The following MTUS2 variants were observed in gnomAD, a reference collection of about 807,000 sequenced individuals.
MTUS2 encodes the protein microtubule associated scaffold protein 2, also known as microtubule-associated tumor suppressor candidate 2.
A neutral mutation model predicts 114.1 loss-of-function variants in MTUS2; 40 were observed. That is an observed-to-expected ratio of 0.35 (90% CI 0.27 to 0.46). The LOEUF is 0.46. MTUS2 is among the 20% of genes least tolerant of loss of function. MTUS2 has a pLI of 1.00. For synonymous variants in MTUS2, 688 were observed against 672.0 expected, an observed-to-expected ratio of 1.02 and a Z score of -0.37; for missense variants, 1,679 against 1,705.4, an observed-to-expected ratio of 0.98 and a Z score of 0.27.
At chr13:28,909,443 T>G (rs1880261596) in intron 2 of MTUS2, among the ~76,000 whole-genome samples, 1 of 152,156 alleles carries the variant, frequency 6.6e-6, no homozygotes, top group Admixed American at 6.6e-5. Context: ...TTTTATTCTC[T>G]TTGAAGCAAT....
intron 7 of MTUS2, among the ~76,000 whole-genome samples, chr13:29,332,071 C>T (rs923428463): frequency 6.6e-6 from 1 of 152,164 alleles, no homozygotes; most frequent in Non-Finnish European, 1.5e-5. Context: ...ATGCTGGCCT[C>T]ATAAAATGAG....
At chr13:29,078,536 T>C (rs1889298631) in intron 4 of MTUS2, among the ~76,000 whole-genome samples, 1 of 152,224 alleles carries the variant, frequency 6.6e-6, no homozygotes, top group South Asian at 2.1e-4. Context: ...AGGATACAAT[T>C]TAGTGGTTTT....
chr13:28,970,938 C>A (rs756935875), intron 2 of MTUS2, among the ~76,000 whole-genome samples: 2 of 152,186 alleles, frequency 1.3e-5, no homozygotes, highest in Non-Finnish European at 2.9e-5. Context: ...GAGGCATCCA[C>A]GTGGTATTTT....
chr13:29,057,577 T>C (rs1478122235), intron 4 of MTUS2, among the ~76,000 whole-genome samples: 1 of 152,194 alleles, frequency 6.6e-6, no homozygotes, highest in Non-Finnish European at 1.5e-5. Context: ...TTTTGATCAC[T>C]GTTGGCTTAA....
intron 8 of MTUS2, among the ~76,000 whole-genome samples, chr13:29,402,506 AAAAC>A (rs1248993619): frequency 6.8e-6 from 1 of 146,634 alleles, no homozygotes; most frequent in Non-Finnish European, 1.5e-5. Context: ...CAGCCACAGA[AAAAC>A]AAACAGAAGA....
chr13:28,848,625 AAATT>A (rs1401718637), intron 2 of MTUS2, among the ~76,000 whole-genome samples: 13 of 152,102 alleles, frequency 8.5e-5, no homozygotes, highest in Non-Finnish European at 1.6e-4. Context: ...GTTTCAAAGA[AAATT>A]AACTTAGAAG....
At chr13:29,168,484 T>C (rs1022728293) in intron 5 of MTUS2, among the ~76,000 whole-genome samples, 30 of 152,318 alleles carry the variant, frequency 2.0e-4, no homozygotes, top group Non-Finnish European at 2.8e-4. Context: ...TGCCATTGAC[T>C]TCATCTTAGA....
At chr13:29,047,324 G>A (rs4769671) in intron 4 of MTUS2, among the ~76,000 whole-genome samples, 146,101 of 152,180 alleles carry the variant, frequency 0.96, 70,215 homozygotes, top group Non-Finnish European at 0.98. Flanking sequence ...TCAGTCTTCT[G>A]TAGCTCCAGC....
At chr13:29,183,432 A>T (rs1185866973) in intron 5 of MTUS2, among the ~76,000 whole-genome samples, 1 of 152,226 alleles carries the variant, frequency 6.6e-6, no homozygotes. Context: ...GACGTGGCTA[A>T]TTGGAATTAT....
chr13:29,290,068 A>G (rs868603795), intron 6 of MTUS2, among the ~76,000 whole-genome samples: 28 of 152,362 alleles, frequency 1.8e-4, no homozygotes, highest in Middle Eastern at 6.8e-3. Flanking sequence ...GTCGTTCTAC[A>G]TATCTTCAAT....
intron 2 of MTUS2, among the ~76,000 whole-genome samples, chr13:28,979,072 A>G (rs2138286242): frequency 6.6e-6 from 1 of 152,352 alleles, no homozygotes; most frequent in Non-Finnish European, 1.5e-5. Context: ...CATTGCAAAG[A>G]GTTCCAGTGA....
chr13:29,341,235 C>G (rs900488482), intron 7 of MTUS2, among the ~76,000 whole-genome samples: 34 of 152,088 alleles, frequency 2.2e-4, no homozygotes, highest in African/African-American at 7.5e-4. Flanking sequence ...CACTGTTTTC[C>G]ATAGTGGTTT....
In MTUS2 at chr13:29,436,620, T is replaced by C. The variant is rs1250824727; in HGVS notation, c.3118-3363T>C. Among the ~76,000 whole-genome samples, 4 of 152,162 alleles carry C rather than the reference T, an allele frequency of 2.6e-5. No homozygotes were observed. In the South Asian group the frequency reaches 8.3e-4, roughly 32 times the overall value. ...TCCTTGAAAAGCCATCTAATGACTA[T>C]AGTTTGGAACTGGCTGGTTTTAGAG... On this transcript the variant is annotated intron_variant, in intron 8 of 15. Coordinates refer to ENST00000612955, the MANE Select transcript of MTUS2 (RefSeq NM_001033602.4).
At chr13:29,164,246 G>T (rs974441139) in intron 5 of MTUS2, among the ~76,000 whole-genome samples, 4 of 152,212 alleles carry the variant, frequency 2.6e-5, no homozygotes, top group African/African-American at 9.6e-5. Context: ...AGGCTGGAGG[G>T]CTCCCTTCTC....
chr13:29,283,418 A>C (rs1350738553), intron 6 of MTUS2, among the ~76,000 whole-genome samples: 5 of 152,330 alleles, frequency 3.3e-5, no homozygotes, highest in Non-Finnish European at 5.9e-5. Flanking sequence ...TTATTGAATC[A>C]ACAAATGAAT....
chr13:29,103,417 A>T (rs1335254626), intron 5 of MTUS2, among the ~76,000 whole-genome samples: 3 of 152,258 alleles, frequency 2.0e-5, no homozygotes, highest in African/African-American at 7.2e-5. Flanking sequence ...AATAGTGCGT[A>T]TTGGTATATG....
At position 29,026,684 on chromosome 13, in the gene MTUS2, G is replaced by A; in HGVS notation, c.1986G>A (p.Leu662=). 6.2e-7 allele frequency: 1 copy of A among 1,614,000 alleles called. No homozygotes were observed. The part of the protein sequence containing the change: ...PQALGQVDAS[L]VPVGLPYAPP... Reference sequence around the variant, plus strand: ...CCCTGGGCCAGGTGGACGCCTCGCTGGTTCCAGTGGGGCTTCCATATGCCC... The same window carrying A: ...CCCTGGGCCAGGTGGACGCCTCGCTAGTTCCAGTGGGGCTTCCATATGCCC... Residue 662 remains leucine, a synonymous_variant, in exon 3 of 16, where the codon CTG becomes CTA. Transcript: ENST00000612955.
chr13:28,964,853 A>C (rs1211308377), intron 2 of MTUS2, among the ~76,000 whole-genome samples: 1 of 151,264 alleles, frequency 6.6e-6, no homozygotes, highest in Non-Finnish European at 1.5e-5. Context: ...TCTGAACAGC[A>C]TCTCTGCGTT....
chr13:29,282,125 T>C, intron 6 of MTUS2, among the ~76,000 whole-genome samples: 1 of 152,244 alleles, frequency 6.6e-6, no homozygotes, highest in East Asian at 1.9e-4. Flanking sequence ...AACCAAGCTA[T>C]TTTAAGCAAA....
Sources: allele counts gnomAD v4.1 joint callset (sites outside exome capture counted in the v4.1 genomes callset), GRCh38; gene constraint gnomAD v4.1.1; transcripts MANE v1.5; gene names NCBI Gene and HGNC (gene_info 2026-07-23, HGNC 2026-07-21).